LRP1-AS: variants seen among roughly 807,000 people sequenced by gnomAD.
The protein encoded by LRP1-AS is LRP1 antisense RNA.
At chr12:57,146,545 G>A (rs965449788) in intron 1 of LRP1-AS, 4 of 152,226 alleles carry the variant, frequency 2.6e-5, no homozygotes, top group African/African-American at 9.6e-5. Flanking sequence ...AAGATCCCAG[G>A]AGGTTACAAG....
intron 1 of LRP1-AS, among the ~76,000 whole-genome samples, chr12:57,147,234 G>C (rs1177328352): frequency 6.6e-6 from 1 of 151,976 alleles, no homozygotes; most frequent in Non-Finnish European, 1.5e-5. Context: ...CCCTCCCCCT[G>C]CTCCACGTCC....
intron 1 of LRP1-AS, among the ~76,000 whole-genome samples, chr12:57,146,996 A>G (rs909586316): frequency 1.3e-5 from 2 of 151,798 alleles, no homozygotes; most frequent in Middle Eastern, 3.2e-3. Flanking sequence ...GGTGTCCTGG[A>G]GGTAACCTTC....
chr12:57,146,945 G>T (rs998378881), intron 1 of LRP1-AS, among the ~76,000 whole-genome samples: 3 of 151,886 alleles, frequency 2.0e-5, no homozygotes, highest in Non-Finnish European at 4.4e-5. Flanking sequence ...CCCCAGCCCT[G>T]CATCTTGCCA....
chr12:57,145,582 A>G, intron 1 of LRP1-AS: 4 of 1,494,108 alleles, frequency 2.7e-6, no homozygotes, highest in Non-Finnish European at 3.6e-6. Flanking sequence ...GGAGTTACAC[A>G]GGATGGTCCT....
At chr12:57,146,556 G>A (rs2035410257) in intron 1 of LRP1-AS, 1 of 152,212 alleles carries the variant, frequency 6.6e-6, no homozygotes, top group East Asian at 1.9e-4. Context: ...AGGTTACAAG[G>A]GATTCATTCT....
rs117110347 is a variant in LRP1-AS, at chr12:57,147,070, C to A, written n.181+369G>T. ...CTCCCCAGGAGAAGCTGGTACCCCTCCCTTGGCAAACAGATTTGCCTTGCC... is the reference window on the plus strand; with the variant it reads ...CTCCCCAGGAGAAGCTGGTACCCCTACCTTGGCAAACAGATTTGCCTTGCC... On this transcript the variant is annotated intron_variant and non_coding_transcript_variant, in intron 1 of 1. Coordinates refer to ENST00000555461, the Ensembl canonical transcript of LRP1-AS. Among the ~76,000 whole-genome samples the A allele has an allele frequency of 3.3e-3, 497 of 151,990 alleles. 1 individual carries two copies. Among genetic ancestry groups the A allele is most frequent in the Non-Finnish European group, 5.9e-3 (398 of 67,952 alleles).
exon 2 of LRP1-AS, chr12:57,144,857 G>A (rs548927777): frequency 2.4e-5 from 25 of 1,059,088 alleles, no homozygotes; most frequent in South Asian, 5.4e-5. Context: ...AGATTCTGCC[G>A]AACTGTCCTT....
intron 1 of LRP1-AS, chr12:57,146,427 G>C (rs2035407723): frequency 6.6e-6 from 1 of 152,212 alleles, no homozygotes; most frequent in Non-Finnish European, 1.5e-5. Context: ...ATTAACTGGA[G>C]TGAAAGCCAG....
At chr12:57,147,118 G>C (rs1336916032) in intron 1 of LRP1-AS, among the ~76,000 whole-genome samples, 1 of 151,808 alleles carries the variant, frequency 6.6e-6, no homozygotes, top group Non-Finnish European at 1.5e-5. Flanking sequence ...AAACTCACTG[G>C]GCCTCTCAGG....
chr12:57,145,012 A>G lies in LRP1-AS; in HGVS notation n.253T>C, dbSNP rs143263594. On this transcript the variant is annotated non_coding_transcript_exon_variant, in exon 2 of 2. Transcript: ENST00000555461. Reference sequence around the variant, plus strand: ...CAGTGTACGGCACCTGCAGCCAGCTATGCACCAACACAGACGGCTCCTTCA... The same window carrying G: ...CAGTGTACGGCACCTGCAGCCAGCTGTGCACCAACACAGACGGCTCCTTCA... The G allele has an allele frequency of 1.4e-4, 221 of 1,614,162 alleles. No individual in the cohort carries two copies. The African/African-American group carries it at 2.8e-3, about 20-fold the overall frequency.
exon 2 of LRP1-AS, chr12:57,144,648 A>T (rs1483622549): frequency 3.2e-6 from 1 of 312,398 alleles, no homozygotes; most frequent in East Asian, 6.2e-5. Context: ...TTCATTTATT[A>T]TCTGAATATA....
intron 1 of LRP1-AS, chr12:57,146,679 A>G (rs1360428564): frequency 2.0e-5 from 3 of 152,236 alleles, no homozygotes; most frequent in African/African-American, 4.8e-5. Context: ...GCTCCTCCAG[A>G]GCATCCCTGA....
rs541755936 is a variant in LRP1-AS at position 57,144,759 on chromosome 12, T to A, written n.506A>T. 2.4e-5 allele frequency: 14 copies of A among 582,366 alleles called. No individual in the cohort carries two copies. The African/African-American group carries it at 2.6e-4, about 11-fold the overall frequency. 36.1% of individuals were successfully genotyped at this position (582,366 alleles called of 1,614,324 possible). Reference sequence around the variant, plus strand: ...ACTCAATAAATCTTCCCTGCGTGGATGAGTGATATGTACACGAGTGTTTCT... The same window carrying A: ...ACTCAATAAATCTTCCCTGCGTGGAAGAGTGATATGTACACGAGTGTTTCT... On this transcript the variant is annotated non_coding_transcript_exon_variant, in exon 2 of 2. Coordinates refer to ENST00000555461, the Ensembl canonical transcript of LRP1-AS.
chr12:57,145,405 T>C (rs1390799594), intron 1 of LRP1-AS: 1 of 1,614,000 alleles, frequency 6.2e-7, no homozygotes, highest in Non-Finnish European at 8.5e-7. Flanking sequence ...ACAGTGCTGC[T>C]CAGACGCAGC....
chr12:57,146,081 A>G (rs2035400436), intron 1 of LRP1-AS, among the ~76,000 whole-genome samples: 1 of 152,116 alleles, frequency 6.6e-6, no homozygotes, highest in African/African-American at 2.4e-5. Flanking sequence ...GCTTCCATTC[A>G]GGCTTCTCCC....
intron 1 of LRP1-AS, chr12:57,145,460 C>T (rs769440202): frequency 6.2e-7 from 1 of 1,614,024 alleles, no homozygotes; most frequent in Middle Eastern, 1.7e-4. Context: ...CGTGGATGAG[C>T]ACACCATCAA....
chr12:57,146,667 T>C (rs2035413619), intron 1 of LRP1-AS: 2 of 152,268 alleles, frequency 1.3e-5, no homozygotes, highest in East Asian at 3.9e-4. Flanking sequence ...TTTCTGCCTT[T>C]GGCTCCTCCA....
At chr12:57,145,291 G>T in intron 1 of LRP1-AS, 1 of 1,614,174 alleles carries the variant, frequency 6.2e-7, no homozygotes, top group Non-Finnish European at 8.5e-7. Context: ...CCACGTACCT[G>T]AGTGGGGCCC....
At chr12:57,146,145 G>T (rs1418782505) in intron 1 of LRP1-AS, among the ~76,000 whole-genome samples, 1 of 152,134 alleles carries the variant, frequency 6.6e-6, no homozygotes, top group African/African-American at 2.4e-5. Context: ...ACAGAAAGGG[G>T]CACGAGCATA....
Sources: allele counts gnomAD v4.1 joint callset (sites outside exome capture counted in the v4.1 genomes callset), GRCh38; gene constraint gnomAD v4.1.1; transcripts MANE v1.5; gene names NCBI Gene and HGNC (gene_info 2026-07-23, HGNC 2026-07-21).